The following PIK3R5 variants were observed in gnomAD, a reference collection of about 807,000 sequenced individuals.
The protein encoded by PIK3R5 is phosphoinositide-3-kinase regulatory subunit 5.
Under a neutral mutation model 94.9 loss-of-function variants are expected in PIK3R5, and 32 were observed. The observed-to-expected ratio is 0.34, with a 90% CI of 0.25 to 0.45. The LOEUF is 0.45. PIK3R5 is among the 20% of genes least tolerant of loss of function. The pLI, the probability that PIK3R5 is intolerant of heterozygous loss-of-function variation, is 1.00. For synonymous variants in PIK3R5, 443 were observed against 479.4 expected (o/e 0.92, Z 0.99); for missense variants, 853 against 1,144.6 (o/e 0.75, Z 3.68).
intron 14 of PIK3R5, 131 bp downstream of exon 14, chr17:8,886,098 C>G (rs2089844944): frequency 2.8e-6 from 2 of 702,798 alleles, no homozygotes; most frequent in East Asian, 5.4e-5. Flanking sequence ...CCCGTCTCCC[C>G]AGGGGCCTAC....
Position 8,892,865 on chromosome 17 carries a change from CCAACTCTT to C in PIK3R5, c.482+713_482+720del, listed in dbSNP as rs1197349521. ...CCAACATGTCAAGGTGAGACAGCAC[CCAACTCTT>C]CAAGGCCTGCAGAGGGTCCTCCTAA... On this transcript the variant is annotated intron_variant, in intron 6 of 18. Coordinates refer to ENST00000447110, the MANE Select transcript of PIK3R5 (RefSeq NM_001142633.3). The surrounding 1 kb of genome is among the most constrained non-coding windows in gnomAD (Gnocchi z 4.3). 6.6e-6 allele frequency among the ~76,000 whole-genome samples: 1 copy of C among 152,102 alleles called. No homozygotes were observed. Among genetic ancestry groups the C allele is most frequent in the Non-Finnish European group, 1.5e-5 (1 of 68,008 alleles).
chr17:8,887,357 T>A, intron 11 of PIK3R5, 136 bp from the exon 12 acceptor site: 1 of 1,375,076 alleles, frequency 7.3e-7, no homozygotes, highest in Non-Finnish European at 9.9e-7. Flanking sequence ...ACTTTCAGTC[T>A]TTGTCATATG....
intron 1 of PIK3R5, among the ~76,000 whole-genome samples, chr17:8,942,617 C>CT (rs766121658): frequency 6.7e-6 from 1 of 150,130 alleles, no homozygotes; most frequent in South Asian, 2.1e-4. Flanking sequence ...TTCTTTCTTT[C>CT]TTTTTTGAGA....
chr17:8,924,863 G>C (rs1368037687), intron 1 of PIK3R5, among the ~76,000 whole-genome samples: 2 of 152,174 alleles, frequency 1.3e-5, no homozygotes, highest in Non-Finnish European at 2.9e-5. Context: ...AACTTTTTAT[G>C]AAACAAACGC....
chr17:8,937,318 C>G (rs2091094447), intron 1 of PIK3R5, among the ~76,000 whole-genome samples: 1 of 152,154 alleles, frequency 6.6e-6, no homozygotes, highest in South Asian at 2.1e-4. Flanking sequence ...ACATCTTTGC[C>G]TTGGTCCCAG....
chr17:8,888,687 G>A lies in PIK3R5; in HGVS notation c.1100C>T (p.Ser367Leu), dbSNP rs200085031. The change falls in exon 10 of 19, where the codon TCG becomes TTG. Residue 367 changes from serine to leucine, a missense_variant. Physicochemically the swap from Ser to Leu is moderately radical, Grantham distance 145. Around this residue, in one of 6 missense-constraint regions of PIK3R5, gnomAD observed 319 missense variants for 339.8 expected, o/e 0.94. Coordinates refer to ENST00000447110, the MANE Select transcript of PIK3R5 (RefSeq NM_001142633.3). This position sits in a 1 kb window ranked among gnomAD's most constrained non-coding sequence, Gnocchi z 7.8. Reference protein sequence around the residue: ...STLSLASSQASGPALSRHLLT... With the variant: ...STLSLASSQALGPALSRHLLT... ...CAGATGGCGCGAGAGGGCCGGCCCCGAGGCCTGGGAGGATGCAAGGGACAA... is the reference window on the plus strand; with the variant it reads ...CAGATGGCGCGAGAGGGCCGGCCCCAAGGCCTGGGAGGATGCAAGGGACAA... 5.5e-5 allele frequency: 88 copies of A among 1,613,920 alleles called. No individual in the cohort carries two copies. Among genetic ancestry groups the A allele is most frequent in the Middle Eastern group, 1.6e-4 (1 of 6,062 alleles).
In PIK3R5 at chr17:8,880,604, C is replaced by T. The variant is rs370478657; in HGVS notation, c.*35G>A. ...TGGAGGGGTGGCCGAGGAGGTTGCCCCAGGGCTTCTGTCCAGTCTGGCGCT... is the reference window on the plus strand; with the variant it reads ...TGGAGGGGTGGCCGAGGAGGTTGCCTCAGGGCTTCTGTCCAGTCTGGCGCT... On this transcript the variant is annotated 3_prime_UTR_variant, in exon 19 of 19. Coordinates refer to ENST00000447110, the MANE Select transcript of PIK3R5 (RefSeq NM_001142633.3). The T allele has an allele frequency of 2.9e-5, 45 of 1,562,004 alleles. 1 individual carries two copies. In the South Asian group the frequency reaches 4.0e-4, roughly 14 times the overall value.
At chr17:8,928,884 GTTATC>G (rs1239973798) in intron 1 of PIK3R5, among the ~76,000 whole-genome samples, 5 of 152,196 alleles carry the variant, frequency 3.3e-5, no homozygotes, top group East Asian at 1.9e-4. Context: ...AGTTTTCTAA[GTTATC>G]TTAGATGGCT....
chr17:8,899,235 C>T (rs145923847), intron 5 of PIK3R5, among the ~76,000 whole-genome samples: 3,251 of 152,250 alleles, frequency 0.021, 49 homozygotes, highest in Non-Finnish European at 0.033. Flanking sequence ...GGGGGAGGCC[C>T]CCAGCCTTGA....
Position 8,890,106 on chromosome 17 carries a change from A to G in PIK3R5, c.678T>C (p.Leu226=). 1.2e-6 allele frequency: 2 copies of G among 1,613,792 alleles called. No homozygotes were observed. Among genetic ancestry groups the G allele is most frequent in the Non-Finnish European group, 1.7e-6 (2 of 1,179,938 alleles). Reference sequence around the variant, plus strand: ...CTGCGGTCTCCGTGAAGATGTCCTCAAGCTCTGCCAGGGTCTTGGCCTGAA... The same window carrying G: ...CTGCGGTCTCCGTGAAGATGTCCTCGAGCTCTGCCAGGGTCTTGGCCTGAA... ...CRLQAKTLAE[L]EDIFTETAEA... is the part of the protein sequence containing the mutation. The change falls in exon 8 of 19, where the codon CTT becomes CTC. Residue 226 remains leucine, a synonymous_variant. Coordinates refer to ENST00000447110, the MANE Select transcript of PIK3R5 (RefSeq NM_001142633.3). The surrounding 1 kb of genome is among the most constrained non-coding windows in gnomAD (Gnocchi z 6.1).
intron 5 of PIK3R5, among the ~76,000 whole-genome samples, chr17:8,903,398 C>G (rs1044441391): frequency 2.0e-5 from 3 of 151,272 alleles, no homozygotes; most frequent in Non-Finnish European, 4.4e-5. Context: ...CCTTCTTACT[C>G]TCCTTTAAAA....
Position 8,890,188 on chromosome 17 carries a change from C to T in PIK3R5, c.658-62G>A, listed in dbSNP as rs2089988949. The T allele has an allele frequency of 2.6e-6, 4 of 1,552,172 alleles. No homozygotes were observed. Among genetic ancestry groups the T allele is most frequent in the Admixed American group, 1.7e-5 (1 of 59,022 alleles). On this transcript the variant is annotated intron_variant, in intron 7 of 18. Transcript: ENST00000447110. This position sits in a 1 kb window ranked among gnomAD's most constrained non-coding sequence, Gnocchi z 6.1. The stretch of plus-strand genomic sequence containing the variant: ...CCGTGAGCTAGCTGTCCACCTGTTC[C>T]AGTTGCTAGCTTCTTACTGAGGGAG...
rs762367121 is a variant in PIK3R5 at position 8,890,760 on chromosome 17, G to A, written c.635C>T (p.Pro212Leu). Residue 212 changes from proline to leucine, a missense_variant, in exon 7 of 19, where the codon CCG (proline) becomes CTG (leucine). Physicochemically the swap from Pro to Leu is moderately conservative, Grantham distance 98. This residue lies in a region of PIK3R5 where 161 missense variants were observed against 249.5 expected (regional missense o/e 0.65). Transcript: ENST00000447110. This position sits in a 1 kb window ranked among gnomAD's most constrained non-coding sequence, Gnocchi z 6.1. Reference protein sequence around the residue: ...QATFGAHCDVPGLHCRLQAKT... With the variant: ...QATFGAHCDVLGLHCRLQAKT... ...TACCTGTAGCCTGCAGTGCAGGCCC[G>A]GGACGTCACAGTGGGCCCCAAAGGT... 13 of 1,610,632 alleles carry A rather than the reference G, an allele frequency of 8.1e-6. No homozygotes were observed. Among genetic ancestry groups the A allele is most frequent in the Middle Eastern group, 1.7e-4 (1 of 6,040 alleles).
In PIK3R5 at chr17:8,880,911, A is replaced by G. The variant is rs1281671867; in HGVS notation, c.2489T>C (p.Val830Ala). Residue 830 changes from valine to alanine, a missense_variant, in exon 18 of 19, where the codon GTA (valine) becomes GCA (alanine). Transcript: ENST00000447110. ...DQDERKILQSVVRCEVSPCYK... is the reference protein window; with the variant it reads ...DQDERKILQSAVRCEVSPCYK... ...TAGGACCCCCCTTTCCTACCTGACT[A>G]CACTCTGCAGGATCTTTCTCTCATC... 2 of 1,613,784 alleles carry G rather than the reference A, an allele frequency of 1.2e-6. No individual in the cohort carries two copies. Among genetic ancestry groups the G allele is most frequent in the Admixed American group, 1.7e-5 (1 of 60,006 alleles).
At chr17:8,950,034 A>G (rs866213202) in intron 1 of PIK3R5, among the ~76,000 whole-genome samples, 10 of 152,252 alleles carry the variant, frequency 6.6e-5, no homozygotes, top group African/African-American at 2.4e-4. Flanking sequence ...TCCAGGAACC[A>G]CCAGCAGCCA....
chr17:8,904,569 C>T lies in PIK3R5; in HGVS notation c.412+208G>A, dbSNP rs1000331109. On this transcript the variant is annotated intron_variant, in intron 5 of 18. Transcript: ENST00000447110. The surrounding 1 kb of genome is among the most constrained non-coding windows in gnomAD (Gnocchi z 5.1). ...TAACAATCCCTCCTCGAGTTACCTC[C>T]CATATTTACTTTCATCTTGTGTGGA... is the stretch of plus-strand genomic sequence containing the variant. Among the ~76,000 whole-genome samples, 3 of 152,174 alleles carry T rather than the reference C, an allele frequency of 2.0e-5. No homozygotes were observed. Among genetic ancestry groups the T allele is most frequent in the African/African-American group, 7.2e-5 (3 of 41,430 alleles).
In PIK3R5 at chr17:8,888,019, A is replaced by G. The variant is rs2089917171; in HGVS notation, c.1616+152T>C. The G allele has an allele frequency of 5.1e-6, 1 of 194,504 alleles. No individual in the cohort carries two copies. Among genetic ancestry groups the G allele is most frequent in the Non-Finnish European group, 9.1e-6 (1 of 109,310 alleles). 12.0% of individuals were successfully genotyped at this position (194,504 alleles called of 1,614,324 possible). On this transcript the variant is annotated intron_variant, in intron 10 of 18. Transcript: ENST00000447110. The surrounding 1 kb of genome is among the most constrained non-coding windows in gnomAD (Gnocchi z 7.8). ...CTGTCTCAAAATAATAATAATAATA[A>G]TAATAATAATAATAATAATAATAAT...
rs771686305 is a variant in PIK3R5 at position 8,888,143 on chromosome 17, G to C, written c.1616+28C>G. 1 of 1,611,194 alleles carries C rather than the reference G, an allele frequency of 6.2e-7. No homozygotes were observed. Among genetic ancestry groups the C allele is most frequent in the South Asian group, 1.1e-5 (1 of 90,994 alleles). The stretch of plus-strand genomic sequence containing the variant: ...CACAACAACCCTGTTACCCAGGGCA[G>C]AGGGATGCTCCGCATTACGGCTCTT... On this transcript the variant is annotated intron_variant, in intron 10 of 18. Coordinates refer to ENST00000447110, the MANE Select transcript of PIK3R5 (RefSeq NM_001142633.3). The surrounding 1 kb of genome is among the most constrained non-coding windows in gnomAD (Gnocchi z 7.8).
At chr17:8,942,885 T>C (rs376182294) in intron 1 of PIK3R5, among the ~76,000 whole-genome samples, 13 of 151,686 alleles carry the variant, frequency 8.6e-5, no homozygotes, top group African/African-American at 3.2e-4. Context: ...GGATTACAGG[T>C]GTGAACCACT....
Sources: allele counts gnomAD v4.1 joint callset (sites outside exome capture counted in the v4.1 genomes callset), GRCh38; gene constraint gnomAD v4.1.1; regional missense constraint gnomAD v4.1.1; non-coding constraint Gnocchi (gnomAD v3.1); transcripts MANE v1.5; gene names NCBI Gene and HGNC (gene_info 2026-07-23, HGNC 2026-07-21).